KIRREL3: variants seen among roughly 807,000 people sequenced by gnomAD.
KIRREL3 encodes kin of IRRE-like protein 3.
KIRREL3 carries 36 observed loss-of-function variants against 89.7 expected under a neutral mutation model. The ratio of observed to expected loss-of-function variants is 0.40; its 90% CI spans 0.31 to 0.53. The LOEUF is 0.53. Among genes scored for constraint, KIRREL3 ranks in the 20% least tolerant of loss-of-function variants. The pLI is 0.49. For missense variants in KIRREL3, 864 were observed against 1,056.6 expected (o/e 0.82, Z 2.53); for synonymous variants, 445 against 441.4 (o/e 1.01, Z -0.10).
chr11:126,775,421 G>A (rs1435351549), intron 1 of KIRREL3, among the ~76,000 whole-genome samples: 1 of 152,154 alleles, frequency 6.6e-6, no homozygotes, highest in East Asian at 1.9e-4. Context: ...ACTCCTTGAA[G>A]GGGGTGCCCA....
rs1295651749 is a variant in KIRREL3, at chr11:126,623,143, G to A, written c.56-60231C>T. Among the ~76,000 whole-genome samples, 1 of 152,086 alleles carries A rather than the reference G, an allele frequency of 6.6e-6. No individual in the cohort carries two copies. The highest frequency in any genetic ancestry group is 1.5e-5 in the Non-Finnish European group (1 of 68,032). ...TTTAGACATAAGAAAACAGAAATAG[G>A]TCATCATTTGTCTAAGGTGACAGAG... On this transcript the variant is annotated intron_variant, in intron 1 of 16. Coordinates refer to ENST00000525144, the MANE Select transcript of KIRREL3 (RefSeq NM_032531.4). The surrounding 1 kb of genome is among the most constrained non-coding windows in gnomAD (Gnocchi z 4.1).
chr11:126,750,212 C>G lies in KIRREL3; in HGVS notation c.56-187300G>C, dbSNP rs377408028. ...CCTGCCCAAAGCCACTTTGTCAAAC[C>G]TGGGGCCAGAACTTGGGGCCTTTAT... On this transcript the variant is annotated intron_variant, in intron 1 of 16. Transcript: ENST00000525144. The surrounding 1 kb of genome is among the most constrained non-coding windows in gnomAD (Gnocchi z 4.2). Among the ~76,000 whole-genome samples the G allele has an allele frequency of 6.6e-6, 1 of 152,170 alleles. No individual in the cohort carries two copies. The highest frequency in any genetic ancestry group is 1.5e-5 in the Non-Finnish European group (1 of 68,030).
At position 126,558,340 on chromosome 11, in the gene KIRREL3, A is replaced by C. The variant is rs1271979650; in HGVS notation, c.133+4495T>G. Among the ~76,000 whole-genome samples, 1 of 151,964 alleles carries C rather than the reference A, an allele frequency of 6.6e-6. No homozygotes were observed. Among genetic ancestry groups the C allele is most frequent in the African/African-American group, 2.4e-5 (1 of 41,356 alleles). On this transcript the variant is annotated intron_variant, in intron 2 of 16. Transcript: ENST00000525144. This position sits in a 1 kb window ranked among gnomAD's most constrained non-coding sequence, Gnocchi z 4.0. ...CCCCTGATTTTCTGCAAATCAACTC[A>C]AGTTTTCCCTGTGTTCTGCCCTTTC...
intron 4 of KIRREL3, among the ~76,000 whole-genome samples, chr11:126,481,173 T>C (rs1957208600): frequency 6.6e-6 from 1 of 152,170 alleles, no homozygotes; most frequent in Non-Finnish European, 1.5e-5. Context: ...TGTTGATAAG[T>C]ACTAGAAGGA....
In KIRREL3 at chr11:126,698,610, C is replaced by T. The variant is rs577387011; in HGVS notation, c.56-135698G>A. 5.9e-5 allele frequency among the ~76,000 whole-genome samples: 9 copies of T among 152,312 alleles called. No individual in the cohort carries two copies. In the East Asian group the frequency reaches 1.7e-3, roughly 29 times the overall value. On this transcript the variant is annotated intron_variant, in intron 1 of 16. Coordinates refer to ENST00000525144, the MANE Select transcript of KIRREL3 (RefSeq NM_032531.4). ...TATCCCTTTAGAGTGTCTTAGGTGT[C>T]AAGGCCAGGGTTCTGCTGCGTGAGG...
intron 4 of KIRREL3, among the ~76,000 whole-genome samples, chr11:126,506,982 C>A (rs549372348): frequency 5.9e-5 from 9 of 152,026 alleles, no homozygotes; most frequent in African/African-American, 2.2e-4. Flanking sequence ...TGCCGACTGG[C>A]GAATGGATAA....
intron 1 of KIRREL3, among the ~76,000 whole-genome samples, chr11:126,680,158 T>C (rs939753017): frequency 2.0e-5 from 3 of 152,166 alleles, no homozygotes; most frequent in African/African-American, 7.2e-5. Context: ...TGGAGGTGCC[T>C]AGTCAGTGCT....
chr11:126,867,577 C>CA lies in KIRREL3; in HGVS notation c.55+132877_55+132878insT, dbSNP rs1592250357. ...GACTGGGATTAGATAACAGATAATA[C>CA]TAGTATTAGTTAATAACATTAATAC... On this transcript the variant is annotated intron_variant, in intron 1 of 16. Transcript: ENST00000525144. This position sits in a 1 kb window ranked among gnomAD's most constrained non-coding sequence, Gnocchi z 4.7. Among the ~76,000 whole-genome samples the CA allele has an allele frequency of 6.6e-6, 1 of 152,346 alleles. No homozygotes were observed. Among genetic ancestry groups the CA allele is most frequent in the East Asian group, 1.9e-4 (1 of 5,188 alleles).
At chr11:126,746,638 C>A (rs1949161520) in intron 1 of KIRREL3, among the ~76,000 whole-genome samples, 1 of 152,174 alleles carries the variant, frequency 6.6e-6, no homozygotes, top group African/African-American at 2.4e-5. Context: ...TCCCCCCTCT[C>A]CCTCCCTCAC....
intron 1 of KIRREL3, among the ~76,000 whole-genome samples, chr11:126,921,016 G>T (rs963010009): frequency 6.6e-6 from 1 of 152,208 alleles, no homozygotes; most frequent in Non-Finnish European, 1.5e-5. Context: ...ACTGGCACTT[G>T]CATCTCTCTC....
intron 13 of KIRREL3, among the ~76,000 whole-genome samples, chr11:126,434,924 A>G (rs1565446577): frequency 6.6e-6 from 1 of 152,140 alleles, no homozygotes; most frequent in Non-Finnish European, 1.5e-5. Flanking sequence ...AGCAGAAGGC[A>G]GTCAGGACAG....
rs1482932795 is a variant in KIRREL3, at chr11:126,931,644, T to G, written c.55+68811A>C. Reference sequence around the variant, plus strand: ...TAAGAATGAGGATTCCAAGTCCTAGTTGTCTAAATAATTTAAATATGGAAT... The same window carrying G: ...TAAGAATGAGGATTCCAAGTCCTAGGTGTCTAAATAATTTAAATATGGAAT... On this transcript the variant is annotated intron_variant, in intron 1 of 16. Coordinates refer to ENST00000525144, the MANE Select transcript of KIRREL3 (RefSeq NM_032531.4). This position sits in a 1 kb window ranked among gnomAD's most constrained non-coding sequence, Gnocchi z 5.1. Among the ~76,000 whole-genome samples, 1 of 152,222 alleles carries G rather than the reference T, an allele frequency of 6.6e-6. No homozygotes were observed. Among genetic ancestry groups the G allele is most frequent in the Admixed American group, 6.5e-5 (1 of 15,290 alleles).
rs1946543308 is a variant in KIRREL3, at chr11:126,905,452, T to G, written c.55+95003A>C. On this transcript the variant is annotated intron_variant, in intron 1 of 16. Transcript: ENST00000525144. The surrounding 1 kb of genome is among the most constrained non-coding windows in gnomAD (Gnocchi z 5.0). ...GGCAGAGGGCTACACATTAGGTAGG[T>G]CCTTCCATAATGTCTTTCTCATTAA... Among the ~76,000 whole-genome samples the G allele has an allele frequency of 6.6e-6, 1 of 152,174 alleles. No homozygotes were observed. The highest frequency in any genetic ancestry group is 2.4e-5 in the African/African-American group (1 of 41,434).
At chr11:126,702,055 G>A (rs1400383744) in intron 1 of KIRREL3, among the ~76,000 whole-genome samples, 1 of 152,174 alleles carries the variant, frequency 6.6e-6, no homozygotes, top group African/African-American at 2.4e-5. Flanking sequence ...ATGGCTGTGA[G>A]AGTGGGCCTG....
At chr11:126,882,276 T>A (rs1313900948) in intron 1 of KIRREL3, among the ~76,000 whole-genome samples, 3 of 152,232 alleles carry the variant, frequency 2.0e-5, no homozygotes. Context: ...TGATTGCAGA[T>A]ATTCTTTCCA....
In KIRREL3 at chr11:126,948,325, A is replaced by G. The variant is rs1948679112; in HGVS notation, c.55+52130T>C. 6.6e-6 allele frequency among the ~76,000 whole-genome samples: 1 copy of G among 152,184 alleles called. No homozygotes were observed. Among genetic ancestry groups the G allele is most frequent in the South Asian group, 2.1e-4 (1 of 4,820 alleles). ...AACCTCTTTGGCCTGAACCTGTCCA[A>G]CTTTATAGAGGGATCTCAGTACAAC... On this transcript the variant is annotated intron_variant, in intron 1 of 16. Coordinates refer to ENST00000525144, the MANE Select transcript of KIRREL3 (RefSeq NM_032531.4). The surrounding 1 kb of genome is among the most constrained non-coding windows in gnomAD (Gnocchi z 4.5).
Position 126,953,558 on chromosome 11 carries a change from A to G in KIRREL3, c.55+46897T>C, listed in dbSNP as rs112053954. 1.3e-3 allele frequency among the ~76,000 whole-genome samples: 202 copies of G among 152,310 alleles called. 2 individuals are homozygous for G. The highest frequency in any genetic ancestry group is 4.5e-3 in the African/African-American group (187 of 41,556). On this transcript the variant is annotated intron_variant, in intron 1 of 16. Coordinates refer to ENST00000525144, the MANE Select transcript of KIRREL3 (RefSeq NM_032531.4). This position sits in a 1 kb window ranked among gnomAD's most constrained non-coding sequence, Gnocchi z 5.2. ...ATAGTTCCAAAGAGAAGAGCCTGCA[A>G]AAAAGATCATGGATGCAAATGTGGA...
Position 126,981,895 on chromosome 11 carries a change from C to T in KIRREL3, c.55+18560G>A, listed in dbSNP as rs1949732824. ...CTCTGCTGGGATGACAGCCTTTAAA[C>T]ACCTCATTAATATTCAAATCTATTC... On this transcript the variant is annotated intron_variant, in intron 1 of 16. Coordinates refer to ENST00000525144, the MANE Select transcript of KIRREL3 (RefSeq NM_032531.4). The surrounding 1 kb of genome is among the most constrained non-coding windows in gnomAD (Gnocchi z 4.2). 6.6e-6 allele frequency among the ~76,000 whole-genome samples: 1 copy of T among 152,210 alleles called. No homozygotes were observed. The highest frequency in any genetic ancestry group is 2.4e-5 in the African/African-American group (1 of 41,452).
intron 1 of KIRREL3, among the ~76,000 whole-genome samples, chr11:126,631,127 TCATTCATTC>T (rs1213780088): frequency 1.7e-3 from 38 of 22,766 alleles, no homozygotes; most frequent in Non-Finnish European, 2.5e-3. Context: ...ATGTATGTAT[TCATTCATTC>T]ATTCATTCAT....
Sources: gnomAD v4.1 joint callset for allele counts (sites outside exome capture counted in the v4.1 genomes callset) on GRCh38, gnomAD v4.1.1 for gene constraint, Gnocchi (gnomAD v3.1) non-coding constraint, MANE v1.5 for transcripts, NCBI Gene and HGNC (gene_info 2026-07-23, HGNC 2026-07-21) for gene names.